SLC4A3: variants seen among roughly 807,000 people sequenced by gnomAD.
SLC4A3 encodes the protein anion exchange protein 3.
A neutral mutation model predicts 114.2 loss-of-function variants in SLC4A3; 47 were observed. The observed-to-expected ratio is 0.41, with a 90% CI of 0.33 to 0.52. The LOEUF is 0.52. Ranked by LOEUF, SLC4A3 falls within the 20% of genes least tolerant of loss-of-function variation. The pLI is 0.21. For missense variants in SLC4A3, 1,312 were observed against 1,668.3 expected (o/e 0.79, Z 3.72); for synonymous variants, 693 against 710.3 (o/e 0.98, Z 0.39).
chr2:219,632,062 C>T lies in SLC4A3; in HGVS notation c.906C>T (p.Ala302=), dbSNP rs1389510383. The T allele has an allele frequency of 1.9e-6, 3 of 1,613,830 alleles. No homozygotes were observed. The East Asian group carries it at 6.7e-5, about 36-fold the overall frequency. Residue 302 remains alanine, a synonymous_variant, in exon 7 of 23, where the codon GCC becomes GCT. Transcript: ENST00000358055. ...QGGRGSPSGL[A]PILRRKKKKK... is the part of the protein sequence containing the mutation. ...GGAGGGGCAGTCCCAGCGGCCTGGCCCCCATCCTTCGCAGGAAGAAGAAGA... is the reference window on the plus strand; with the variant it reads ...GGAGGGGCAGTCCCAGCGGCCTGGCTCCCATCCTTCGCAGGAAGAAGAAGA...
Position 219,631,886 on chromosome 2 carries a change from T to G in SLC4A3, c.812-82T>G. ...GTGACTGTAGAGCTCACCAAGTAGA[T>G]GGGTTGGGCAGAAGGAGCTGGGCCG... On this transcript the variant is annotated intron_variant, in intron 6 of 22. Coordinates refer to ENST00000358055, the MANE Select transcript of SLC4A3 (RefSeq NM_005070.4). This position sits in a 1 kb window ranked among gnomAD's most constrained non-coding sequence, Gnocchi z 6.3. 2.1e-6 allele frequency: 3 copies of G among 1,455,188 alleles called. No homozygotes were observed. Among genetic ancestry groups the G allele is most frequent in the Non-Finnish European group, 2.8e-6 (3 of 1,078,702 alleles). The allele number at this position is 1,455,188 out of a possible 1,614,324, so 90.1% of individuals were successfully genotyped here. A position where few individuals can be genotyped will look rare whatever the true frequency, so the allele number is the denominator to read the frequency against.
rs970145697 is a variant in SLC4A3 at position 219,641,312 on chromosome 2, G to T, written c.3622-339G>T. Among the ~76,000 whole-genome samples the T allele has an allele frequency of 1.9e-4, 29 of 152,170 alleles. No homozygotes were observed. The highest frequency in any genetic ancestry group is 7.0e-4 in the African/African-American group (29 of 41,432). ...GATGTGGCACTGGTGTCCACCCTGA[G>T]CCCTGTTTTTGTCAACTAGAGGAAA... On this transcript the variant is annotated intron_variant, in intron 22 of 22. Coordinates refer to ENST00000358055, the MANE Select transcript of SLC4A3 (RefSeq NM_005070.4). The surrounding 1 kb of genome is among the most constrained non-coding windows in gnomAD (Gnocchi z 4.0).
rs888117542 is a variant in SLC4A3, at chr2:219,636,281, A to G, written c.2192-21A>G. On this transcript the variant is annotated intron_variant, in intron 14 of 22. Coordinates refer to ENST00000358055, the MANE Select transcript of SLC4A3 (RefSeq NM_005070.4). This position sits in a 1 kb window ranked among gnomAD's most constrained non-coding sequence, Gnocchi z 5.5. The stretch of plus-strand genomic sequence containing the variant: ...AGATAGACAGAGCCAGGCTAGGGCC[A>G]TCCTACCCGTGCTATGGCAGGAGAG... The G allele has an allele frequency of 6.2e-7, 1 of 1,612,722 alleles. No individual in the cohort carries two copies. The highest frequency in any genetic ancestry group is 1.1e-5 in the South Asian group (1 of 91,084).
chr2:219,641,090 C>T lies in SLC4A3; in HGVS notation c.3621+128C>T. The T allele has an allele frequency of 1.2e-6, 1 of 844,614 alleles. No homozygotes were observed. Among genetic ancestry groups the T allele is most frequent in the South Asian group, 1.7e-5 (1 of 58,564 alleles). 52.3% of individuals were successfully genotyped at this position (844,614 alleles called of 1,614,324 possible). ...TAACTTGTGTTGCAAGTTATCTCAC[C>T]TTCCGAAATCTTATTTTCACCTGTA... is the stretch of plus-strand genomic sequence containing the variant. On this transcript the variant is annotated intron_variant, in intron 22 of 22. Coordinates refer to ENST00000358055, the MANE Select transcript of SLC4A3 (RefSeq NM_005070.4). The surrounding 1 kb of genome is among the most constrained non-coding windows in gnomAD (Gnocchi z 4.0).
rs1299766201 is a variant in SLC4A3, at chr2:219,631,058, G to C, written c.811+706G>C. ...GGGGGTGGGGGAGGGCGTGTTTACAGACCCAGGGTGGGGGCTGGATGCCGC... is the reference window on the plus strand; with the variant it reads ...GGGGGTGGGGGAGGGCGTGTTTACACACCCAGGGTGGGGGCTGGATGCCGC... On this transcript the variant is annotated intron_variant, in intron 6 of 22. Transcript: ENST00000358055. This position sits in a 1 kb window ranked among gnomAD's most constrained non-coding sequence, Gnocchi z 6.3. 2.7e-5 allele frequency: 24 copies of C among 878,878 alleles called. No homozygotes were observed. The highest frequency in any genetic ancestry group is 3.4e-5 in the Non-Finnish European group (24 of 700,816). The allele number at this position is 878,878 out of a possible 1,614,324, so 54.4% of individuals were successfully genotyped here.
chr2:219,637,613 C>T lies in SLC4A3; in HGVS notation c.2568C>T (p.Tyr856=), dbSNP rs2106199739. 2 of 1,605,678 alleles carry T rather than the reference C, an allele frequency of 1.2e-6. No individual in the cohort carries two copies. The highest frequency in any genetic ancestry group is 2.2e-5 in the East Asian group (1 of 44,778). ...CAGAGCACCCACTGCTGCCGTTCTACCCCCCTGAGGGGGCCCTGGAGGGGT... is the reference window on the plus strand; with the variant it reads ...CAGAGCACCCACTGCTGCCGTTCTATCCCCCTGAGGGGGCCCTGGAGGGGT... The part of the protein sequence containing the change: ...VFTEHPLLPF[Y]PPEGALEGSL... Residue 856 remains tyrosine (Y), a synonymous_variant, in exon 17 of 23, where the codon TAC becomes TAT. Coordinates refer to ENST00000358055, the MANE Select transcript of SLC4A3 (RefSeq NM_005070.4). The surrounding 1 kb of genome is among the most constrained non-coding windows in gnomAD (Gnocchi z 4.6).
At position 219,636,623 on chromosome 2, in the gene SLC4A3, G is replaced by A; in HGVS notation, c.2341-57G>A. 2 of 1,527,662 alleles carry A rather than the reference G, an allele frequency of 1.3e-6. No homozygotes were observed. The highest frequency in any genetic ancestry group is 1.8e-6 in the Non-Finnish European group (2 of 1,122,050). 94.6% of individuals were successfully genotyped at this position (1,527,662 alleles called of 1,614,324 possible). A position where few individuals can be genotyped will look rare whatever the true frequency, so the allele number is the denominator to read the frequency against. ...GTTCATCCGCTGCCTATTCCAGGGG[G>A]CATTGACACCCAGGGCAGTCCACCT... On this transcript the variant is annotated intron_variant, in intron 15 of 22. Coordinates refer to ENST00000358055, the MANE Select transcript of SLC4A3 (RefSeq NM_005070.4). The surrounding 1 kb of genome is among the most constrained non-coding windows in gnomAD (Gnocchi z 5.5).
In SLC4A3 at chr2:219,638,326, T is replaced by C. The variant is rs562181521; in HGVS notation, c.2856+73T>C. ...AGAGGGAGCCCACAACACACTTCCA[T>C]GGGCCCTGGGATTGGGATCAGGCCT... is the stretch of plus-strand genomic sequence containing the variant. On this transcript the variant is annotated intron_variant, in intron 18 of 22. Coordinates refer to ENST00000358055, the MANE Select transcript of SLC4A3 (RefSeq NM_005070.4). This position sits in a 1 kb window ranked among gnomAD's most constrained non-coding sequence, Gnocchi z 7.5. 3 of 1,190,322 alleles carry C rather than the reference T, an allele frequency of 2.5e-6. No homozygotes were observed. Among genetic ancestry groups the C allele is most frequent in the East Asian group, 5.0e-5 (2 of 39,846 alleles). 73.7% of individuals were successfully genotyped at this position (1,190,322 alleles called of 1,614,324 possible).
rs1274886015 is a variant in SLC4A3 at position 219,641,826 on chromosome 2, C to T, written c.*98C>T. 1.0e-6 allele frequency: 1 copy of T among 982,456 alleles called. No homozygotes were observed. Among genetic ancestry groups the T allele is most frequent in the East Asian group, 2.4e-5 (1 of 40,906 alleles). The allele number at this position is 982,456 out of a possible 1,614,324, so 60.9% of individuals were successfully genotyped here. Reference sequence around the variant, plus strand: ...CCCTGGGCTGGGGGGCTCCTCAGGACCCAGAGATGTGCCTGGAACCACTCC... The same window carrying T: ...CCCTGGGCTGGGGGGCTCCTCAGGATCCAGAGATGTGCCTGGAACCACTCC... On this transcript the variant is annotated 3_prime_UTR_variant, in exon 23 of 23. Transcript: ENST00000358055. The surrounding 1 kb of genome is among the most constrained non-coding windows in gnomAD (Gnocchi z 4.0).
In SLC4A3 at chr2:219,629,194, C is replaced by T; in HGVS notation, c.268C>T (p.Pro90Ser). ...CCACCACCCGCTCTCAGCGCGCCTG[C>T]CTCCACCCCACAAGCTGCGGCGGCT... ...HTHHPLSARLPPPHKLRRLPP... is the reference protein window; with the variant it reads ...HTHHPLSARLSPPHKLRRLPP... Residue 90 changes from proline to serine, a missense_variant, in exon 4 of 23, where the codon CCT becomes TCT. Coordinates refer to ENST00000358055, the MANE Select transcript of SLC4A3 (RefSeq NM_005070.4). 3.7e-6 allele frequency: 6 copies of T among 1,611,552 alleles called. No individual in the cohort carries two copies. The highest frequency in any genetic ancestry group is 5.1e-6 in the Non-Finnish European group (6 of 1,178,866).
At position 219,629,406 on chromosome 2, in the gene SLC4A3, C is replaced by T. The variant is rs1277327483; in HGVS notation, c.480C>T (p.Thr160=). ...CTGTGGAGCCCCCCCACTCAGGGACCCCACAGAAGGCAAAGGTAGGGGCTT... is the reference window on the plus strand; with the variant it reads ...CTGTGGAGCCCCCCCACTCAGGGACTCCACAGAAGGCAAAGGTAGGGGCTT... ...AEPVEPPHSG[T]PQKAKFSIGS... is the part of the protein sequence containing the mutation. Residue 160 remains threonine, a synonymous_variant, in exon 4 of 23, where the codon ACC becomes ACT. Transcript: ENST00000358055. The T allele has an allele frequency of 6.3e-7, 1 of 1,587,288 alleles. No homozygotes were observed. Among genetic ancestry groups the T allele is most frequent in the East Asian group, 2.2e-5 (1 of 44,630 alleles).
rs1204122914 is a variant in SLC4A3, at chr2:219,631,962, C to T, written c.812-6C>T. 2 of 1,594,408 alleles carry T rather than the reference C, an allele frequency of 1.3e-6. No homozygotes were observed. Among genetic ancestry groups the T allele is most frequent in the Non-Finnish European group, 8.5e-7 (1 of 1,169,664 alleles). ...TGTGGGACCCCCAAGCCCATCTTCT[C>T]TGCAGGTCACCGACTGGAGGACAAC... On this transcript the variant is annotated splice_polypyrimidine_tract_variant and splice_region_variant and intron_variant, in intron 6 of 22. Coordinates refer to ENST00000358055, the MANE Select transcript of SLC4A3 (RefSeq NM_005070.4). This position sits in a 1 kb window ranked among gnomAD's most constrained non-coding sequence, Gnocchi z 6.3.
chr2:219,629,479 G>A (rs1017682498), intron 4 of SLC4A3, 58 bp downstream of exon 4: 25 of 1,602,436 alleles, frequency 1.6e-5, no homozygotes, highest in Non-Finnish European at 2.0e-5. Context: ...GTACAGAGAG[G>A]AGGAGAGGAG....
chr2:219,629,486 G>A lies in SLC4A3; in HGVS notation c.495+65G>A, dbSNP rs571510832. 215 of 1,599,356 alleles carry A rather than the reference G, an allele frequency of 1.3e-4. No homozygotes were observed. The African/African-American group carries it at 2.2e-3, about 16-fold the overall frequency. ...AGGGAGGGGTACAGAGAGGAGGAGA[G>A]GAGTGCGTGTTGGGGGCCTGTGTGA... On this transcript the variant is annotated intron_variant, in intron 4 of 22. Transcript: ENST00000358055.
chr2:219,635,531 C>T, intron 13 of SLC4A3, 35 bp downstream of exon 13: 1 of 1,541,148 alleles, frequency 6.5e-7, no homozygotes. Context: ...CCCCAATACA[C>T]ACTCCCCCAT....
In SLC4A3 at chr2:219,639,704, G is replaced by A. The variant is rs771195645; in HGVS notation, c.3246G>A (p.Arg1082=). The change falls in exon 20 of 23, where the codon CGG becomes CGA. Residue 1082 remains arginine, a synonymous_variant. Coordinates refer to ENST00000358055, the MANE Select transcript of SLC4A3 (RefSeq NM_005070.4). The surrounding 1 kb of genome is among the most constrained non-coding windows in gnomAD (Gnocchi z 5.9). ...KPQIQEVREQ[R]VTGVLIASLV... Reference sequence around the variant, plus strand: ...AGATCCAGGAGGTGCGGGAGCAGCGGGTCACTGGTGTGCTCATCGCCAGCC... The same window carrying A: ...AGATCCAGGAGGTGCGGGAGCAGCGAGTCACTGGTGTGCTCATCGCCAGCC... The A allele has an allele frequency of 3.7e-6, 6 of 1,610,406 alleles. No homozygotes were observed. Among genetic ancestry groups the A allele is most frequent in the Non-Finnish European group, 5.1e-6 (6 of 1,179,974 alleles).
At position 219,635,819 on chromosome 2, in the gene SLC4A3, C is replaced by A. The variant is rs1235871874; in HGVS notation, c.2119C>A (p.Gln707Lys). ...TGACCTGCGAGATGCGCTGCACTCC[C>A]AGTGTGTGGCCGCTGTGCTCTTCAT... ...PSDLRDALHSQCVAAVLFIYF... is the reference protein window; with the variant it reads ...PSDLRDALHSKCVAAVLFIYF... The change falls in exon 14 of 23, where the codon CAG (glutamine) becomes AAG (lysine). Residue 707 changes from glutamine to lysine, a missense_variant. This residue lies in a region of SLC4A3 where 771 missense variants were observed against 977.7 expected (regional missense o/e 0.79). Coordinates refer to ENST00000358055, the MANE Select transcript of SLC4A3 (RefSeq NM_005070.4). 2 of 1,590,208 alleles carry A rather than the reference C, an allele frequency of 1.3e-6. No homozygotes were observed. Among genetic ancestry groups the A allele is most frequent in the Non-Finnish European group, 8.5e-7 (1 of 1,169,886 alleles).
rs770465738 is a variant in SLC4A3 at position 219,632,297 on chromosome 2, C to T, written c.996C>T (p.Arg332=). The T allele has an allele frequency of 4.0e-5, 65 of 1,613,994 alleles. No homozygotes were observed. Among genetic ancestry groups the T allele is most frequent in the Non-Finnish European group, 5.4e-5 (64 of 1,180,036 alleles). Reference sequence around the variant, plus strand: ...AGCTGAACGAGCTGATGCTGGACCGCAGCCAGGAGCCCCACTGGCGGGAGA... The same window carrying T: ...AGCTGAACGAGCTGATGCTGGACCGTAGCCAGGAGCCCCACTGGCGGGAGA... The part of the protein sequence containing the change: ...FVELNELMLD[R]SQEPHWRETA... The change falls in exon 8 of 23, where the codon CGC becomes CGT. Residue 332 remains arginine (R), a synonymous_variant. Transcript: ENST00000358055.
At position 219,631,892 on chromosome 2, in the gene SLC4A3, G is replaced by T. The variant is rs1013571227; in HGVS notation, c.812-76G>T. The T allele has an allele frequency of 8.1e-6, 12 of 1,477,826 alleles. No homozygotes were observed. The highest frequency in any genetic ancestry group is 1.4e-5 in the African/African-American group (1 of 70,776). 91.5% of individuals were successfully genotyped at this position (1,477,826 alleles called of 1,614,324 possible). A position where few individuals can be genotyped will look rare whatever the true frequency, so the allele number is the denominator to read the frequency against. On this transcript the variant is annotated intron_variant, in intron 6 of 22. Transcript: ENST00000358055. The surrounding 1 kb of genome is among the most constrained non-coding windows in gnomAD (Gnocchi z 6.3). ...GTAGAGCTCACCAAGTAGATGGGTT[G>T]GGCAGAAGGAGCTGGGCCGTGACCC...
Sources: allele counts gnomAD v4.1 joint callset (sites outside exome capture counted in the v4.1 genomes callset), GRCh38; gene constraint gnomAD v4.1.1; regional missense constraint gnomAD v4.1.1; non-coding constraint Gnocchi (gnomAD v3.1); transcripts MANE v1.5; gene names NCBI Gene and HGNC (gene_info 2026-07-23, HGNC 2026-07-21).